Variants in TAF3 observed in about 807,000 individuals in gnomAD.
TAF3 encodes the protein TATA-box binding protein associated factor 3.
In TAF3, 7 loss-of-function variants were observed where a neutral mutation model predicts 80.6. The ratio of observed to expected loss-of-function variants is 0.09; its 90% CI spans 0.05 to 0.16. The LOEUF is 0.16. Among genes scored for constraint, TAF3 ranks in the 10% least tolerant of loss-of-function variants. The pLI is 1.00. For missense variants in TAF3, 921 were observed against 1,140.2 expected, an observed-to-expected ratio of 0.81 and a Z score of 2.77; for synonymous variants, 444 against 446.1, an observed-to-expected ratio of 1.00 and a Z score of 0.06.
chr10:7,889,728 A>G (rs937577716), intron 2 of TAF3, among the ~76,000 whole-genome samples: 1 of 152,138 alleles, frequency 6.6e-6, no homozygotes, highest in Admixed American at 6.5e-5. Flanking sequence ...CTATATCCCT[A>G]TCTTGTGAAA....
intron 3 of TAF3, among the ~76,000 whole-genome samples, chr10:7,967,027 G>A (rs532025778): frequency 9.9e-5 from 15 of 152,148 alleles, no homozygotes; most frequent in Non-Finnish European, 1.9e-4. Flanking sequence ...CATACACCTT[G>A]TTTTCTCCTC....
At chr10:7,859,294 AT>A (rs1564349755) in intron 2 of TAF3, among the ~76,000 whole-genome samples, 1 of 149,750 alleles carries the variant, frequency 6.7e-6, no homozygotes, top group Non-Finnish European at 1.5e-5. Context: ...AAATAAATAA[AT>A]AAATAAATAA....
chr10:7,932,496 T>A (rs943787644), intron 2 of TAF3, among the ~76,000 whole-genome samples: 1 of 151,770 alleles, frequency 6.6e-6, no homozygotes, highest in Non-Finnish European at 1.5e-5. Context: ...AGGAGAGAGA[T>A]TGATTATGAG....
intron 2 of TAF3, among the ~76,000 whole-genome samples, chr10:7,921,146 A>C (rs1195911301): frequency 6.6e-6 from 1 of 151,788 alleles, no homozygotes; most frequent in Admixed American, 6.6e-5. Flanking sequence ...TATATTTCTT[A>C]ATTCTTCCTT....
chr10:7,927,230 A>T (rs542790330), intron 2 of TAF3, among the ~76,000 whole-genome samples: 1 of 152,318 alleles, frequency 6.6e-6, no homozygotes, highest in African/African-American at 2.4e-5. Flanking sequence ...TGCAAAGGGG[A>T]GGATAATGAG....
At chr10:7,983,714 C>T (rs1158908974) in intron 4 of TAF3, among the ~76,000 whole-genome samples, 2 of 152,124 alleles carry the variant, frequency 1.3e-5, no homozygotes, top group African/African-American at 4.8e-5. Flanking sequence ...TGGCGTGCAC[C>T]TATACTCCCA....
At chr10:7,980,374 G>A (rs1036186431) in intron 4 of TAF3, among the ~76,000 whole-genome samples, 2 of 152,172 alleles carry the variant, frequency 1.3e-5, no homozygotes, top group African/African-American at 4.8e-5. Flanking sequence ...AGCTTGGATT[G>A]TTTCCTGTGT....
intron 2 of TAF3, among the ~76,000 whole-genome samples, chr10:7,915,249 C>G: frequency 6.6e-6 from 1 of 151,500 alleles, no homozygotes. Flanking sequence ...CTGGCCGCTC[C>G]CCAGCCTTTT....
At chr10:7,914,261 A>T (rs1837684710) in intron 2 of TAF3, among the ~76,000 whole-genome samples, 1 of 152,200 alleles carries the variant, frequency 6.6e-6, no homozygotes, top group African/African-American at 2.4e-5. Context: ...GATGTCCGAG[A>T]TTTGTGTTAA....
intron 4 of TAF3, among the ~76,000 whole-genome samples, chr10:7,992,092 G>A (rs1041879700): frequency 6.6e-6 from 1 of 152,182 alleles, no homozygotes; most frequent in Non-Finnish European, 1.5e-5. Flanking sequence ...TGTAGGCTCA[G>A]GGACTACAGA....
intron 2 of TAF3, among the ~76,000 whole-genome samples, chr10:7,925,561 C>T (rs10905253): frequency 0.54 from 82,269 of 151,538 alleles, 23,515 homozygotes; most frequent in East Asian, 0.71. Context: ...CCCAGCACTT[C>T]GGGAGGCCAG....
Position 7,965,309 on chromosome 10 carries a change from C to A in TAF3, c.1799C>A (p.Pro600His). 2 of 1,604,074 alleles carry A rather than the reference C, an allele frequency of 1.2e-6. No individual in the cohort carries two copies. The highest frequency in any genetic ancestry group is 1.7e-6 in the Non-Finnish European group (2 of 1,177,788). ...FKIKEFEDVD[P>H]KVKLKDGLVR... is the part of the protein sequence containing the mutation. ...ATCAAAGAATTTGAAGATGTTGATC[C>A]CAAAGTGAAATTGAAAGATGGACTT... Residue 600 changes from proline (P) to histidine (H), a missense_variant, in exon 3 of 7, where the codon CCC becomes CAC. Transcript: ENST00000344293.
At position 8,014,710 on chromosome 10, in the gene TAF3, A is replaced by G. The variant is rs1262988948; in HGVS notation, c.2749A>G (p.Lys917Glu). 1.2e-6 allele frequency: 2 copies of G among 1,610,100 alleles called. No homozygotes were observed. The highest frequency in any genetic ancestry group is 2.2e-5 in the East Asian group (1 of 44,754). ...WFCPKCANKK[K>E]DKKHKKRKHR... ...CTGCCCCAAGTGTGCGAACAAGAAG[A>G]AGGACAAAAAGCACAAGAAGAGGAA... is the stretch of plus-strand genomic sequence containing the variant. Residue 917 changes from lysine (K) to glutamate (E), a missense_variant, in exon 7 of 7, where the codon AAG becomes GAG. Coordinates refer to ENST00000344293, the MANE Select transcript of TAF3 (RefSeq NM_031923.4).
intron 5 of TAF3, among the ~76,000 whole-genome samples, chr10:8,010,146 A>AT: frequency 6.6e-6 from 1 of 152,270 alleles, no homozygotes; most frequent in South Asian, 2.1e-4. Context: ...AGCTCCAGCA[A>AT]TCCACCCATT....
At chr10:7,834,179 A>G (rs185304200) in intron 2 of TAF3, among the ~76,000 whole-genome samples, 1 of 151,964 alleles carries the variant, frequency 6.6e-6, no homozygotes, top group East Asian at 1.9e-4. Context: ...TGTTTCCTTT[A>G]TTGTGCCAAA....
intron 3 of TAF3, among the ~76,000 whole-genome samples, chr10:7,968,481 C>A (rs538948424): frequency 2.4e-4 from 36 of 152,228 alleles, no homozygotes; most frequent in African/African-American, 8.2e-4. Flanking sequence ...GGAATAAGAT[C>A]CAGGACAAGT....
intron 2 of TAF3, among the ~76,000 whole-genome samples, chr10:7,909,836 G>T (rs1234633574): frequency 1.3e-5 from 2 of 152,030 alleles, no homozygotes; most frequent in African/African-American, 4.8e-5. Flanking sequence ...CTTCCTACTC[G>T]CTGGTAGTGA....
chr10:7,875,319 C>T (rs749772893), intron 2 of TAF3, among the ~76,000 whole-genome samples: 4 of 151,974 alleles, frequency 2.6e-5, no homozygotes, highest in East Asian at 1.9e-4. Context: ...CTATAAATGA[C>T]GTTCTTTGAG....
rs1318420273 is a variant in TAF3, at chr10:8,005,617, TG to T, written c.2316-3457del. ...GACTTGCCTAATGCGTAAATGCCCTTGGGGTAAAGCATCTGTGTTCTGCTTA... is the reference window on the plus strand; with the variant it reads ...GACTTGCCTAATGCGTAAATGCCCTTGGGTAAAGCATCTGTGTTCTGCTTA... On this transcript the variant is annotated intron_variant, in intron 4 of 6. Transcript: ENST00000344293. Among the ~76,000 whole-genome samples, 3 of 152,346 alleles carry T rather than the reference TG, an allele frequency of 2.0e-5. No individual in the cohort carries two copies. In the East Asian group the frequency reaches 5.8e-4, roughly 29 times the overall value.
Sources: allele counts gnomAD v4.1 joint callset (sites outside exome capture counted in the v4.1 genomes callset), GRCh38; gene constraint gnomAD v4.1.1; transcripts MANE v1.5; gene names NCBI Gene and HGNC (gene_info 2026-07-23, HGNC 2026-07-21).